MAN1A2: variants seen among roughly 807,000 people sequenced by gnomAD.
The protein encoded by MAN1A2 is mannosidase alpha class 1A member 2.
A neutral mutation model predicts 75.7 loss-of-function variants in MAN1A2; 26 were observed. The observed-to-expected ratio is 0.34, with a 90% CI of 0.25 to 0.48. MAN1A2 has a LOEUF of 0.48. Ranked by LOEUF, MAN1A2 falls within the 20% of genes least tolerant of loss-of-function variation. MAN1A2 has a pLI of 0.99. For synonymous variants in MAN1A2, 247 were observed against 264.6 expected (o/e 0.93, Z 0.65); for missense variants, 562 against 775.5 (o/e 0.72, Z 3.27).
chr1:117,420,662 A>C lies in MAN1A2; in HGVS notation c.855+13A>C. On this transcript the variant is annotated intron_variant, in intron 5 of 12. Coordinates refer to ENST00000356554, the MANE Select transcript of MAN1A2 (RefSeq NM_006699.5). ...ATCAGGAGAGGAGGTGAGCAAAATC[A>C]AGCAATGCATTGTTTGTTTTGGAGG... 6.3e-7 allele frequency: 1 copy of C among 1,585,662 alleles called. No homozygotes were observed. The highest frequency in any genetic ancestry group is 8.7e-7 in the Non-Finnish European group (1 of 1,154,694).
At chr1:117,445,880 G>GTATATATATATATA (rs771435341) in intron 6 of MAN1A2, among the ~76,000 whole-genome samples, 7 of 126,012 alleles carry the variant, frequency 5.6e-5, no homozygotes, top group Admixed American at 1.6e-4. Context: ...GTGTCTGTGT[G>GTATATATATATATA]TGTGTATATA....
At chr1:117,455,608 A>G (rs570234476) in intron 6 of MAN1A2, among the ~76,000 whole-genome samples, 21 of 152,264 alleles carry the variant, frequency 1.4e-4, no homozygotes, top group African/African-American at 4.6e-4. Context: ...CTTTGAAAAC[A>G]TATTTAGAAA....
chr1:117,410,151 C>T (rs1647759087), intron 3 of MAN1A2, among the ~76,000 whole-genome samples: 1 of 151,118 alleles, frequency 6.6e-6, no homozygotes, highest in African/African-American at 2.4e-5. Context: ...AATTATTTTC[C>T]CCAAATATTT....
chr1:117,502,859 T>C lies in MAN1A2; in HGVS notation c.1682T>C (p.Ile561Thr), dbSNP rs1327860882. Residue 561 changes from isoleucine (I) to threonine (T), a missense_variant, in exon 12 of 13, where the codon ATT becomes ACT. Ile to Thr is a moderately conservative substitution (Grantham distance 89, BLOSUM62 -1). This residue lies in a region of MAN1A2 where 434 missense variants were observed against 645.7 expected (regional missense o/e 0.67). Coordinates refer to ENST00000356554, the MANE Select transcript of MAN1A2 (RefSeq NM_006699.5). The stretch of plus-strand genomic sequence containing the variant: ...TTTGTCTGATCTCTTTCATAGGCCA[T>C]TGAAAAGTATTGCCGAGTTAATGGT... ...RQWGWEAALA[I>T]EKYCRVNGGF... 3 of 1,561,672 alleles carry C rather than the reference T, an allele frequency of 1.9e-6. No homozygotes were observed. The highest frequency in any genetic ancestry group is 2.6e-6 in the Non-Finnish European group (3 of 1,135,834).
intron 1 of MAN1A2, among the ~76,000 whole-genome samples, chr1:117,400,099 C>T (rs1647369988): frequency 6.6e-6 from 1 of 152,024 alleles, no homozygotes; most frequent in Non-Finnish European, 1.5e-5. Flanking sequence ...GCCTGAGTCG[C>T]CTGAACAGAT....
intron 6 of MAN1A2, among the ~76,000 whole-genome samples, chr1:117,460,074 A>T (rs1386320239): frequency 3.3e-5 from 5 of 152,142 alleles, no homozygotes; most frequent in Non-Finnish European, 7.4e-5. Flanking sequence ...GTAAAAAAAA[A>T]AAAAAAACTG....
chr1:117,474,783 C>A (rs564428394), intron 8 of MAN1A2, among the ~76,000 whole-genome samples: 5 of 151,838 alleles, frequency 3.3e-5, no homozygotes, highest in Non-Finnish European at 7.4e-5. Flanking sequence ...AAATCATGAT[C>A]ACAATCAAAA....
intron 1 of MAN1A2, among the ~76,000 whole-genome samples, chr1:117,384,200 C>T (rs949598594): frequency 6.6e-6 from 1 of 151,826 alleles, no homozygotes; most frequent in African/African-American, 2.4e-5. Flanking sequence ...TTTTCTAGTT[C>T]TTTAAGTTGT....
chr1:117,516,984 C>T (rs1197243023), intron 12 of MAN1A2, among the ~76,000 whole-genome samples: 1 of 152,082 alleles, frequency 6.6e-6, no homozygotes, highest in African/African-American at 2.4e-5. Context: ...TTCTGGCACT[C>T]ACACAGGGCC....
Position 117,527,990 on chromosome 1 carries a change from A to G in MAN1A2, c.*5033A>G, listed in dbSNP as rs564642313. On this transcript the variant is annotated 3_prime_UTR_variant, in exon 13 of 13. Coordinates refer to ENST00000356554, the MANE Select transcript of MAN1A2 (RefSeq NM_006699.5). ...CCTGAGTCTGAGGAGTGCAGAGAAA[A>G]GATATATCCAAAAGGAGAATCCCTT... The G allele has an allele frequency of 5.3e-5, 8 of 152,164 alleles. No homozygotes were observed. The highest frequency in any genetic ancestry group is 2.6e-4 in the Admixed American group (4 of 15,258). 9.4% of individuals were successfully genotyped at this position (152,164 alleles called of 1,614,324 possible).
intron 3 of MAN1A2, among the ~76,000 whole-genome samples, chr1:117,407,455 T>C (rs1647654545): frequency 6.6e-6 from 1 of 152,198 alleles, no homozygotes; most frequent in Non-Finnish European, 1.5e-5. Context: ...CAGTGTCTCA[T>C]TTGACATCTC....
At chr1:117,433,382 AATT>A (rs1453336665) in intron 5 of MAN1A2, among the ~76,000 whole-genome samples, 3 of 152,286 alleles carry the variant, frequency 2.0e-5, no homozygotes, top group Middle Eastern at 3.4e-3. Flanking sequence ...ACTAAAAGGT[AATT>A]ATTATTTTTC....
chr1:117,413,422 AGAG>A (rs1340193076), intron 3 of MAN1A2, among the ~76,000 whole-genome samples: 2 of 151,988 alleles, frequency 1.3e-5, no homozygotes, highest in African/African-American at 4.8e-5. Flanking sequence ...AAGAAAGAAA[AGAG>A]GAGAATAGTA....
Position 117,427,770 on chromosome 1 carries a change from C to G in MAN1A2, c.855+7121C>G, listed in dbSNP as rs763798391. Among the ~76,000 whole-genome samples the G allele has an allele frequency of 2.2e-4, 33 of 152,330 alleles. No homozygotes were observed. In the Middle Eastern group the frequency reaches 0.01, roughly 47 times the overall value. Reference sequence around the variant, plus strand: ...TATATGTGGAGGTACTTTAATTTGACTGATGACTGAACACTCATCAGAAAC... The same window carrying G: ...TATATGTGGAGGTACTTTAATTTGAGTGATGACTGAACACTCATCAGAAAC... On this transcript the variant is annotated intron_variant, in intron 5 of 12. Transcript: ENST00000356554.
At chr1:117,473,502 T>G (rs1426400524) in intron 8 of MAN1A2, among the ~76,000 whole-genome samples, 1 of 152,068 alleles carries the variant, frequency 6.6e-6, no homozygotes, top group Non-Finnish European at 1.5e-5. Context: ...TTCATTACTT[T>G]TCATGTCAGA....
chr1:117,496,716 A>G (rs1003925383), intron 9 of MAN1A2, 47 bp from the exon 10 acceptor site: 11 of 1,344,074 alleles, frequency 8.2e-6, no homozygotes, highest in Non-Finnish European at 9.6e-6. Flanking sequence ...AAGTTTGAAC[A>G]CTAATAGTTT....
At chr1:117,400,969 T>G (rs1647405854) in intron 1 of MAN1A2, among the ~76,000 whole-genome samples, 1 of 152,146 alleles carries the variant, frequency 6.6e-6, no homozygotes, top group South Asian at 2.1e-4. Flanking sequence ...AGAACTCTTT[T>G]CATCTTGCAA....
intron 5 of MAN1A2, among the ~76,000 whole-genome samples, chr1:117,422,809 C>T (rs1648240111): frequency 6.6e-6 from 1 of 152,066 alleles, no homozygotes; most frequent in East Asian, 1.9e-4. Context: ...ATATTTTGGA[C>T]ATAGGTCTTT....
chr1:117,373,207 T>C (rs1653026636), intron 1 of MAN1A2, among the ~76,000 whole-genome samples: 1 of 152,176 alleles, frequency 6.6e-6, no homozygotes, highest in Non-Finnish European at 1.5e-5. Flanking sequence ...ATCTCACTAT[T>C]GCAATTTTAA....
Sources: gnomAD v4.1 joint callset for allele counts (sites outside exome capture counted in the v4.1 genomes callset) on GRCh38, gnomAD v4.1.1 for gene constraint, gnomAD v4.1.1 regional missense constraint, MANE v1.5 for transcripts, NCBI Gene and HGNC (gene_info 2026-07-23, HGNC 2026-07-21) for gene names.